The following BRCA1 variants were observed in gnomAD, a reference collection of about 807,000 sequenced individuals.
The protein encoded by BRCA1 is BRCA1 DNA repair associated.
BRCA1 carries 140 observed loss-of-function variants against 173.7 expected under a neutral mutation model. That is an observed-to-expected ratio of 0.81 (90% CI 0.70 to 0.93). The LOEUF is 0.93. Ranked by LOEUF, BRCA1 falls within the 40% of genes least tolerant of loss-of-function variation. The pLI is 0.00. For synonymous variants in BRCA1, 662 were observed against 756.0 expected (o/e 0.88, Z 2.04); for missense variants, 1,983 against 2,172.5 (o/e 0.91, Z 1.73).
chr17:43,080,434 T>A (rs1298101269), intron 12 of BRCA1, among the ~76,000 whole-genome samples: 1 of 152,136 alleles, frequency 6.6e-6, no homozygotes, highest in East Asian at 1.9e-4. Flanking sequence ...CGACCTCAGG[T>A]GATTCGCCTG....
intron 1 of BRCA1, chr17:43,145,109 A>G: frequency 2.8e-6 from 2 of 725,534 alleles, no homozygotes; most frequent in Admixed American, 1.8e-5. Context: ...AAAAGTGCAA[A>G]AAAAGGGAAA....
At chr17:43,137,490 C>T (rs908479578) in intron 1 of BRCA1, among the ~76,000 whole-genome samples, 13 of 149,992 alleles carry the variant, frequency 8.7e-5, no homozygotes, top group Non-Finnish European at 1.6e-4. Flanking sequence ...TGTAGGGGAG[C>T]GAGCGTGTGA....
At position 43,099,801 on chromosome 17, in the gene BRCA1, TG is replaced by T. The variant is rs80357639; in HGVS notation, c.520del (p.Gln174LysfsTer60). On this transcript the variant is annotated frameshift_variant, in exon 7 of 23. Coordinates refer to ENST00000357654, the MANE Select transcript of BRCA1 (RefSeq NM_007294.4). LOFTEE classifies it high-confidence loss of function. ...TLRTKQRIQP[Q>X]KTSVYIELGS... Reference sequence around the variant, plus strand: ...CAATTCAATGTAGACAGACGTCTTTTGAGGTTGTATCCGCTGCTTTGTCCTC... The same window carrying T: ...CAATTCAATGTAGACAGACGTCTTTTAGGTTGTATCCGCTGCTTTGTCCTC... 2 of 1,611,684 alleles carry T rather than the reference TG, an allele frequency of 1.2e-6. No homozygotes were observed. The highest frequency in any genetic ancestry group is 1.7e-6 in the Non-Finnish European group (2 of 1,177,814).
intron 11 of BRCA1, 95 bp downstream of exon 11, chr17:43,090,849 A>C (rs749910868): frequency 1.0e-5 from 12 of 1,157,282 alleles, no homozygotes; most frequent in African/African-American, 1.5e-5. Context: ...TAATTCAAAG[A>C]GATGATGTCA....
At chr17:43,084,565 C>T (rs1170297937) in intron 11 of BRCA1, among the ~76,000 whole-genome samples, 2 of 152,198 alleles carry the variant, frequency 1.3e-5, no homozygotes, top group Non-Finnish European at 2.9e-5. Context: ...TTTCACTCTC[C>T]GTTTCTTCTT....
chr17:43,070,875 C>G (rs937716188), intron 15 of BRCA1, 53 bp downstream of exon 15: 4 of 1,594,678 alleles, frequency 2.5e-6, no homozygotes, highest in Admixed American at 3.3e-5. Flanking sequence ...AAAACTCTTT[C>G]CAGAATGTTG....
At chr17:43,166,078 CTT>C (rs1451405037) in intron 1 of BRCA1, 3 of 151,448 alleles carry the variant, frequency 2.0e-5, no homozygotes, top group South Asian at 2.1e-4. Flanking sequence ...TTCTTTCTCT[CTT>C]TGACTTTGTC....
At chr17:43,115,364 T>C (rs1490200106) in intron 3 of BRCA1, among the ~76,000 whole-genome samples, 1 of 151,954 alleles carries the variant, frequency 6.6e-6, no homozygotes. Flanking sequence ...TAGCCAAGCA[T>C]GGTGGCGGGT....
At chr17:43,105,525 G>A (rs1162862038) in intron 4 of BRCA1, among the ~76,000 whole-genome samples, 5 of 152,136 alleles carry the variant, frequency 3.3e-5, no homozygotes, top group Non-Finnish European at 5.9e-5. Flanking sequence ...ATAGGCATGA[G>A]CAATCACACC....
At chr17:43,077,492 A>C (rs1375592272) in intron 12 of BRCA1, among the ~76,000 whole-genome samples, 1 of 151,896 alleles carries the variant, frequency 6.6e-6, no homozygotes, top group East Asian at 1.9e-4. Flanking sequence ...CACCACGCCC[A>C]GCTAGTTTTT....
intron 1 of BRCA1, among the ~76,000 whole-genome samples, chr17:43,149,236 T>C (rs182577915): frequency 3.1e-4 from 46 of 150,662 alleles, no homozygotes; most frequent in Non-Finnish European, 5.8e-4. Context: ...GTAGCTGGGA[T>C]TACAGGTGCC....
intron 21 of BRCA1, among the ~76,000 whole-genome samples, chr17:43,048,518 CTT>C (rs781716310): frequency 2.6e-4 from 36 of 140,170 alleles, no homozygotes; most frequent in Middle Eastern, 3.9e-3. Context: ...CTCTCTCTCT[CTT>C]TTTTTTTTTT....
At position 43,092,362 on chromosome 17, in the gene BRCA1, T is replaced by C. The variant is rs80357479; in HGVS notation, c.3169A>G (p.Ser1057Gly). Residue 1057 changes from serine to glycine, a missense_variant, in exon 10 of 23, where the codon AGT becomes GGT. Ser to Gly is a moderately conservative substitution (Grantham distance 56, BLOSUM62 0). Coordinates refer to ENST00000357654, the MANE Select transcript of BRCA1 (RefSeq NM_007294.4). Reference protein sequence around the residue: ...VGSSTNEVGSSINEIGSSDEN... With the variant: ...VGSSTNEVGSGINEIGSSDEN... Reference sequence around the variant, plus strand: ...TCACTGGAACCTATTTCATTAATACTGGAGCCCACTTCATTAGTACTGGAA... The same window carrying C: ...TCACTGGAACCTATTTCATTAATACCGGAGCCCACTTCATTAGTACTGGAA... 6 of 1,613,904 alleles carry C rather than the reference T, an allele frequency of 3.7e-6. No homozygotes were observed. In the African/African-American group the frequency reaches 4.0e-5, roughly 11 times the overall value.
At chr17:43,095,590 A>AG (rs895512235) in intron 9 of BRCA1, among the ~76,000 whole-genome samples, 3 of 151,408 alleles carry the variant, frequency 2.0e-5, no homozygotes, top group African/African-American at 7.3e-5. Context: ...TCAAAAAAAA[A>AG]CAAACAAACA....
chr17:43,097,108 A>G (rs1446217715), intron 8 of BRCA1, 136 bp downstream of exon 8: 2 of 851,980 alleles, frequency 2.3e-6, no homozygotes, highest in East Asian at 2.6e-5. Flanking sequence ...GTGTTTACCT[A>G]TATAACAAAC....
chr17:43,069,145 A>G (rs2052275177), intron 15 of BRCA1, among the ~76,000 whole-genome samples: 1 of 152,228 alleles, frequency 6.6e-6, no homozygotes, highest in Non-Finnish European at 1.5e-5. Flanking sequence ...GGCAGGCTAG[A>G]GAAGCTAATG....
At chr17:43,101,718 T>A (rs1377082470) in intron 6 of BRCA1, among the ~76,000 whole-genome samples, 1 of 151,662 alleles carries the variant, frequency 6.6e-6, no homozygotes, top group Admixed American at 6.6e-5. Flanking sequence ...GCCAGGCTGG[T>A]CTCAAACTCC....
chr17:43,147,410 C>T (rs977712351), intron 1 of BRCA1, among the ~76,000 whole-genome samples: 13 of 152,242 alleles, frequency 8.5e-5, no homozygotes, highest in Non-Finnish European at 1.8e-4. Flanking sequence ...AGGATGGTCT[C>T]GATCTCCTGA....
At chr17:43,128,745 T>C (rs34493401), upstream of BRCA1, among the ~76,000 whole-genome samples, 1,017 of 152,296 alleles carry the variant, frequency 6.7e-3, 6 homozygotes, top group Non-Finnish European at 0.01. Flanking sequence ...TAAAGAGATC[T>C]TGGTTAGGGA....
Sources: allele counts gnomAD v4.1 joint callset (sites outside exome capture counted in the v4.1 genomes callset), GRCh38; gene constraint gnomAD v4.1.1; transcripts MANE v1.5; gene names NCBI Gene and HGNC (gene_info 2026-07-23, HGNC 2026-07-21).